Variants in STPG2 observed in about 807,000 individuals in gnomAD.
STPG2 encodes sperm tail PG-rich repeat containing 2.
STPG2 carries 56 observed loss-of-function variants against 54.2 expected under a neutral mutation model. The observed-to-expected ratio is 1.03, with a 90% CI of 0.83 to 1.29. The LOEUF is 1.29. STPG2 is among the 50% of genes most tolerant of loss of function. STPG2 has a pLI of 0.00. For missense variants in STPG2, 596 were observed against 544.9 expected (o/e 1.09, Z -0.93); for synonymous variants, 200 against 181.8 (o/e 1.10, Z -0.81).
At chr4:97,839,460 C>A (rs903096068) in intron 9 of STPG2, among the ~76,000 whole-genome samples, 1 of 151,536 alleles carries the variant, frequency 6.6e-6, no homozygotes, top group African/African-American at 2.4e-5. Flanking sequence ...AAATATGATA[C>A]TCAACATAAT....
chr4:97,861,552 C>T (rs1729541320), intron 8 of STPG2, among the ~76,000 whole-genome samples: 1 of 152,098 alleles, frequency 6.6e-6, no homozygotes, highest in Non-Finnish European at 1.5e-5. Context: ...ATCTGCACTC[C>T]TATGTTTATG....
At chr4:97,973,438 A>G (rs1734401614) in intron 6 of STPG2, among the ~76,000 whole-genome samples, 1 of 152,216 alleles carries the variant, frequency 6.6e-6, no homozygotes, top group Non-Finnish European at 1.5e-5. Context: ...AGCAGAGCAT[A>G]AAAGTTCGTA....
intron 5 of STPG2, among the ~76,000 whole-genome samples, chr4:98,054,102 C>T (rs557360622): frequency 6.9e-6 from 1 of 145,176 alleles, no homozygotes; most frequent in Non-Finnish European, 1.5e-5. Flanking sequence ...GGGAAAATAT[C>T]ATAGTTCAGA....
At chr4:97,762,001 G>A (rs1725902047) in intron 9 of STPG2, among the ~76,000 whole-genome samples, 2 of 152,088 alleles carry the variant, frequency 1.3e-5, no homozygotes, top group Admixed American at 6.6e-5. Context: ...CACTATGGCA[G>A]AGCCTAAGTG....
intron 9 of STPG2, among the ~76,000 whole-genome samples, chr4:97,832,204 G>T (rs1476231680): frequency 4.6e-5 from 7 of 152,106 alleles, no homozygotes; most frequent in African/African-American, 1.4e-4. Context: ...GGGATGCAAG[G>T]CTGGTTCAAT....
Position 97,923,139 on chromosome 4 carries a change from C to G in STPG2, c.1044+20758G>C. Among the ~76,000 whole-genome samples the G allele has an allele frequency of 2.0e-5, 3 of 152,382 alleles. No individual in the cohort carries two copies. In the South Asian group the frequency reaches 6.2e-4, roughly 32 times the overall value. ...ACTCTTGGCACCTCCTCGGCCTGGG[C>G]GCCCACTCTGGCCATGCTTGAGGAG... On this transcript the variant is annotated intron_variant, in intron 8 of 10. Transcript: ENST00000295268.
intron 4 of STPG2, among the ~76,000 whole-genome samples, chr4:97,480,557 C>T (rs887009703): frequency 2.6e-5 from 4 of 151,406 alleles, no homozygotes; most frequent in Non-Finnish European, 4.4e-5. Context: ...ATTATAATTC[C>T]CACTAGAAAT....
At chr4:97,736,417 T>C (rs1724994987) in intron 9 of STPG2, among the ~76,000 whole-genome samples, 1 of 152,156 alleles carries the variant, frequency 6.6e-6, no homozygotes, top group Non-Finnish European at 1.5e-5. Flanking sequence ...ATTGCCTCAC[T>C]CAGGAAGCAC....
intron 9 of STPG2, among the ~76,000 whole-genome samples, chr4:97,789,946 T>C (rs1014746511): frequency 6.6e-6 from 1 of 152,176 alleles, no homozygotes; most frequent in African/African-American, 2.4e-5. Context: ...ACATTTCAGA[T>C]CATTAAAGAA....
intron 9 of STPG2, among the ~76,000 whole-genome samples, chr4:97,758,720 C>T (rs1725803395): frequency 6.6e-6 from 1 of 152,018 alleles, no homozygotes; most frequent in Non-Finnish European, 1.5e-5. Flanking sequence ...CAGCAAACCA[C>T]CATGGCACAT....
chr4:98,030,062 C>A (rs1030484500), intron 5 of STPG2, among the ~76,000 whole-genome samples: 1 of 152,166 alleles, frequency 6.6e-6, no homozygotes, highest in Non-Finnish European at 1.5e-5. Flanking sequence ...CAGTAAGAGG[C>A]CCCTGAAATT....
At chr4:97,842,540 G>C (rs991370120) in intron 8 of STPG2, among the ~76,000 whole-genome samples, 1 of 151,818 alleles carries the variant, frequency 6.6e-6, no homozygotes, top group Non-Finnish European at 1.5e-5. Flanking sequence ...AGACATTATT[G>C]TTCCCATTTC....
At chr4:98,042,543 A>C (rs897863937) in intron 5 of STPG2, among the ~76,000 whole-genome samples, 1 of 151,940 alleles carries the variant, frequency 6.6e-6, no homozygotes, top group Non-Finnish European at 1.5e-5. Flanking sequence ...CATTTCAAAA[A>C]AAATCAATTT....
chr4:97,629,300 GA>G (rs906545100), intron 10 of STPG2, among the ~76,000 whole-genome samples: 2 of 151,828 alleles, frequency 1.3e-5, no homozygotes, highest in South Asian at 2.1e-4. Context: ...AAACTGCTGA[GA>G]AAAAAAGCAT....
intron 4 of STPG2, among the ~76,000 whole-genome samples, chr4:98,106,908 T>C (rs1739204249): frequency 6.6e-6 from 1 of 152,170 alleles, no homozygotes; most frequent in African/African-American, 2.4e-5. Context: ...AAAAAAAATC[T>C]GATACCCAAC....
At chr4:97,769,588 C>T (rs893107148) in intron 9 of STPG2, among the ~76,000 whole-genome samples, 1 of 151,966 alleles carries the variant, frequency 6.6e-6, no homozygotes, top group Non-Finnish European at 1.5e-5. Context: ...AATACTTAAG[C>T]ACTAAAGGAG....
chr4:97,815,015 T>G (rs1246107458), intron 9 of STPG2, among the ~76,000 whole-genome samples: 8 of 152,130 alleles, frequency 5.3e-5, no homozygotes, highest in African/African-American at 1.9e-4. Context: ...TTAAGGTCAA[T>G]GCAAAAGCAC....
chr4:97,925,011 C>A (rs1225308672), intron 8 of STPG2, among the ~76,000 whole-genome samples: 1 of 152,058 alleles, frequency 6.6e-6, no homozygotes, highest in Non-Finnish European at 1.5e-5. Context: ...GAATATGGCA[C>A]CTTCAAAATT....
chr4:97,471,509 G>A (rs1729927805), intron 4 of STPG2, among the ~76,000 whole-genome samples: 1 of 152,026 alleles, frequency 6.6e-6, no homozygotes, highest in Admixed American at 6.6e-5. Flanking sequence ...AGTGATTCTT[G>A]TACATGGTAT....
Sources: gnomAD v4.1 joint callset for allele counts (sites outside exome capture counted in the v4.1 genomes callset) on GRCh38, gnomAD v4.1.1 for gene constraint, MANE v1.5 for transcripts, NCBI Gene and HGNC (gene_info 2026-07-23, HGNC 2026-07-21) for gene names.